Variants in RASGRP1 observed in about 807,000 individuals in gnomAD.
The protein encoded by RASGRP1 is RAS guanyl-releasing protein 1.
Under a neutral mutation model 95.1 loss-of-function variants are expected in RASGRP1, and 37 were observed. That is an observed-to-expected ratio of 0.39 (90% CI 0.30 to 0.51). The LOEUF (loss-of-function observed/expected upper bound fraction) is 0.51. Ranked by LOEUF, RASGRP1 falls within the 20% of genes least tolerant of loss-of-function variation. RASGRP1 has a pLI of 0.80. For missense variants in RASGRP1, 711 were observed against 965.4 expected (o/e 0.74, Z 3.49); for synonymous variants, 325 against 353.4 (o/e 0.92, Z 0.90).
At chr15:38,505,954 A>G (rs984383781) in intron 9 of RASGRP1, 34 bp from the exon 10 acceptor site, 1 of 1,529,724 alleles carries the variant, frequency 6.5e-7, no homozygotes, top group Non-Finnish European at 9.0e-7. Context: ...TTCATTGCTA[A>G]GATGCTGTTT....
chr15:38,558,204 A>G (rs952078524), intron 2 of RASGRP1, among the ~76,000 whole-genome samples: 5 of 152,176 alleles, frequency 3.3e-5, no homozygotes, highest in Non-Finnish European at 7.3e-5. Flanking sequence ...CAGGTTGGGA[A>G]GGAAGTGAGA....
Position 38,499,036 on chromosome 15 carries a change from G to C in RASGRP1, c.1721-90C>G, listed in dbSNP as rs764586171. 1.1e-5 allele frequency: 16 copies of C among 1,497,636 alleles called. No individual in the cohort carries two copies. The African/African-American group carries it at 2.1e-4, about 19-fold the overall frequency. 92.8% of individuals were successfully genotyped at this position (1,497,636 alleles called of 1,614,324 possible). On this transcript the variant is annotated intron_variant, in intron 14 of 16. Transcript: ENST00000310803. ...AACCAAATTCATGCAGTGCTTTCTT[G>C]TCACACATGTCTGTTCTATCTTCTG...
Position 38,505,839 on chromosome 15 carries a change from C to A in RASGRP1, c.1323+1G>T. ...GTGGAGTCTTAATATGAAAAACTCA[C>A]TGGAGCTCTGTGGTTCCTTGGTTCC... On this transcript the variant is annotated splice_donor_variant, in intron 10 of 16. Coordinates refer to ENST00000310803, the MANE Select transcript of RASGRP1 (RefSeq NM_005739.4). LOFTEE classifies it high-confidence loss of function. The A allele has an allele frequency of 6.2e-7, 1 of 1,601,556 alleles. No homozygotes were observed. The highest frequency in any genetic ancestry group is 1.1e-5 in the South Asian group (1 of 90,148).
At chr15:38,504,332 C>G (rs920874629) in intron 10 of RASGRP1, 5 of 152,096 alleles carry the variant, frequency 3.3e-5, no homozygotes, top group Admixed American at 2.6e-4. Flanking sequence ...AACTTTTACT[C>G]TTTTGTTATG....
intron 6 of RASGRP1, 102 bp downstream of exon 6, chr15:38,516,095 G>C: frequency 7.4e-7 from 1 of 1,355,304 alleles, no homozygotes. Flanking sequence ...GCCACGACTT[G>C]AGGGGGCCTC....
intron 15 of RASGRP1, among the ~76,000 whole-genome samples, chr15:38,495,794 A>T (rs542746386): frequency 8.6e-5 from 13 of 151,450 alleles, no homozygotes; most frequent in African/African-American, 3.1e-4. Context: ...TTTTTGGAGG[A>T]GTATTATGGG....
chr15:38,512,301 A>G (rs1164174159), intron 7 of RASGRP1, among the ~76,000 whole-genome samples: 1 of 152,228 alleles, frequency 6.6e-6, no homozygotes, highest in Non-Finnish European at 1.5e-5. Context: ...CAGAGAAGCT[A>G]GAATCTCTGG....
chr15:38,503,441 C>G, intron 10 of RASGRP1, 65 bp from the exon 11 acceptor site: 7 of 1,191,778 alleles, frequency 5.9e-6, no homozygotes, highest in Non-Finnish European at 8.5e-6. Flanking sequence ...ATAGCTCTTT[C>G]TTTTCCCACT....
At chr15:38,556,644 G>A (rs1361311602) in intron 2 of RASGRP1, among the ~76,000 whole-genome samples, 1 of 152,172 alleles carries the variant, frequency 6.6e-6, no homozygotes, top group Non-Finnish European at 1.5e-5. Flanking sequence ...CCAACAGTAG[G>A]TGCCATTTGT....
In RASGRP1 at chr15:38,507,780, C is replaced by T. The variant is rs763662740; in HGVS notation, c.1188G>A (p.Leu396=). ...LYNHISELVQ[L]QEVAPPLEAN... ...CCTCCAAGGGTGGGGCCACCTCTTG[C>T]AGCTGGACCAATTCACTGATATGAT... Residue 396 remains leucine (L), a synonymous_variant, in exon 9 of 17, where the codon CTG becomes CTA. Coordinates refer to ENST00000310803, the MANE Select transcript of RASGRP1 (RefSeq NM_005739.4). The T allele has an allele frequency of 1.2e-6, 2 of 1,605,124 alleles. No homozygotes were observed. The highest frequency in any genetic ancestry group is 3.4e-5 in the Admixed American group (2 of 58,858).
chr15:38,532,562 G>A (rs1386521369), intron 2 of RASGRP1, among the ~76,000 whole-genome samples: 1 of 152,180 alleles, frequency 6.6e-6, no homozygotes, highest in Admixed American at 6.5e-5. Flanking sequence ...GGGTGGAAAA[G>A]GCTAGCCATC....
Position 38,489,874 on chromosome 15 carries a change from TTC to T in RASGRP1, c.*678_*679del, listed in dbSNP as rs1240173497. On this transcript the variant is annotated 3_prime_UTR_variant, in exon 17 of 17. Coordinates refer to ENST00000310803, the MANE Select transcript of RASGRP1 (RefSeq NM_005739.4). ...CAGGTACCTAATTTGATTACTTATTTTCTGATGCCTGTAAGTTGTAAGGCTAC... is the reference window on the plus strand; with the variant it reads ...CAGGTACCTAATTTGATTACTTATTTTGATGCCTGTAAGTTGTAAGGCTAC... The T allele has an allele frequency of 6.6e-6, 1 of 152,248 alleles. No individual in the cohort carries two copies. The highest frequency in any genetic ancestry group is 1.5e-5 in the Non-Finnish European group (1 of 67,938). 9.4% of individuals were successfully genotyped at this position (152,248 alleles called of 1,614,324 possible).
At chr15:38,500,847 C>G (rs1566910900) in intron 13 of RASGRP1, among the ~76,000 whole-genome samples, 1 of 152,106 alleles carries the variant, frequency 6.6e-6, no homozygotes, top group African/African-American at 2.4e-5. Context: ...TCTCATATGT[C>G]TTTGTTATAA....
rs750292508 is a variant in RASGRP1 at position 38,507,944 on chromosome 15, G to A, written c.1024C>T (p.Arg342Ter). ...SSSRNYDNYR[R>*]AYGECTDFKI... ...AAGTCGGTGCACTCTCCATAGGCTCGCCGGTAATTGTCGTAGTTTCTGGAG... is the reference window on the plus strand; with the variant it reads ...AAGTCGGTGCACTCTCCATAGGCTCACCGGTAATTGTCGTAGTTTCTGGAG... The change falls in exon 9 of 17, where the codon CGA (arginine) becomes TGA (stop). Residue 342 changes from arginine (R) to a stop codon, truncating the protein, a stop_gained. Transcript: ENST00000310803. LOFTEE classifies it high-confidence loss of function. 2 of 1,611,220 alleles carry A rather than the reference G, an allele frequency of 1.2e-6. No homozygotes were observed. The highest frequency in any genetic ancestry group is 1.7e-6 in the Non-Finnish European group (2 of 1,178,998).
At chr15:38,496,031 G>A (rs150998076) in intron 15 of RASGRP1, among the ~76,000 whole-genome samples, 3 of 152,264 alleles carry the variant, frequency 2.0e-5, no homozygotes, top group African/African-American at 7.2e-5. Context: ...AAAATTGCAG[G>A]AAGAGTCCTG....
chr15:38,500,335 G>A (rs34315569), intron 13 of RASGRP1, among the ~76,000 whole-genome samples, 196 bp from the exon 14 acceptor site: 27,946 of 149,466 alleles, frequency 0.19, 2,964 homozygotes, highest in Non-Finnish European at 0.25. Flanking sequence ...TTCTCAAGAA[G>A]CAGGTTTTTT....
At chr15:38,528,254 TAAAAC>T (rs915080838) in intron 2 of RASGRP1, among the ~76,000 whole-genome samples, 10 of 152,168 alleles carry the variant, frequency 6.6e-5, no homozygotes, top group Non-Finnish European at 1.3e-4. Flanking sequence ...CAAAACCAAA[TAAAAC>T]AAAACCTTAA....
intron 2 of RASGRP1, among the ~76,000 whole-genome samples, chr15:38,542,886 CAT>C (rs1165077294): frequency 7.7e-4 from 99 of 128,900 alleles, no homozygotes; most frequent in African/African-American, 2.6e-3. Context: ...TATATATACA[CAT>C]ATATGTGTAT....
At chr15:38,507,217 C>G (rs776799481) in intron 9 of RASGRP1, among the ~76,000 whole-genome samples, 2 of 152,206 alleles carry the variant, frequency 1.3e-5, no homozygotes, top group Non-Finnish European at 2.9e-5. Flanking sequence ...ACCCCATATG[C>G]AAAATGCAAA....
Sources: allele counts gnomAD v4.1 joint callset (sites outside exome capture counted in the v4.1 genomes callset), GRCh38; gene constraint gnomAD v4.1.1; transcripts MANE v1.5; gene names NCBI Gene and HGNC (gene_info 2026-07-23, HGNC 2026-07-21).